POLA1: variants seen among roughly 807,000 people sequenced by gnomAD.
POLA1 encodes the protein DNA polymerase alpha catalytic subunit.
A neutral mutation model predicts 124.0 loss-of-function variants in POLA1; 15 were observed. The ratio of observed to expected loss-of-function variants is 0.12; its 90% CI spans 0.08 to 0.19. POLA1 has a LOEUF of 0.19. Ranked by LOEUF, POLA1 falls within the 10% of genes least tolerant of loss-of-function variation. The pLI is 1.00. For missense variants in POLA1, 886 were observed against 1,103.4 expected, an observed-to-expected ratio of 0.80 and a Z score of 2.79; for synonymous variants, 408 against 389.4, an observed-to-expected ratio of 1.05 and a Z score of -0.56.
chrX:24,780,308 C>T (rs766114113), intron 26 of POLA1, among the ~76,000 whole-genome samples: 6 of 112,315 alleles, frequency 5.3e-5, no homozygotes, highest in Admixed American at 1.9e-4. Context: ...GTGAAGCCAA[C>T]GCATGTTGGT....
chrX:24,703,286 T>C lies in POLA1; in HGVS notation c.204T>C (p.Asp68=). 1 of 1,206,454 alleles carries C rather than the reference T, an allele frequency of 8.3e-7. No homozygotes were observed. Residue 68 remains aspartate, a synonymous_variant, in exon 3 of 37, where the codon GAT becomes GAC. Transcript: ENST00000379068. Reference sequence around the variant, plus strand: ...TCACAGGTGTTTATGAAGAAGTTGATGAAGAACAGTATTCGAAGCTGGTTC... The same window carrying C: ...TCACAGGTGTTTATGAAGAAGTTGACGAAGAACAGTATTCGAAGCTGGTTC... ...EDFTGVYEEV[D]EEQYSKLVQA... is the part of the protein sequence containing the mutation.
chrX:24,814,962 T>C lies in POLA1; in HGVS notation c.3297-17T>C, dbSNP rs192192226. The C allele has an allele frequency of 3.8e-6, 4 of 1,064,887 alleles. No homozygotes were observed. 87.8% of individuals were successfully genotyped at this position (1,064,887 alleles called of 1,213,427 possible). ...TCAACTGCTGTCTTTGTTTTGTTTT[T>C]TTTTTTTTTTTTGCAGCTTTGTGAT... On this transcript the variant is annotated splice_polypyrimidine_tract_variant and intron_variant, in intron 29 of 36. Transcript: ENST00000379068.
intron 35 of POLA1, among the ~76,000 whole-genome samples, chrX:24,909,333 T>C (rs943643782): frequency 1.2e-4 from 13 of 112,374 alleles, no homozygotes; most frequent in African/African-American, 3.6e-4. Flanking sequence ...TGAATGGTAT[T>C]GCCTAGGTTT....
intron 26 of POLA1, among the ~76,000 whole-genome samples, chrX:24,808,469 T>TGCAATGTAAG (rs1341472438): frequency 9.0e-6 from 1 of 111,649 alleles, no homozygotes; most frequent in African/African-American, 3.3e-5. Flanking sequence ...TAAGCCAGCT[T>TGCAATGTAAG]GCAATGTAAG....
chrX:24,914,327 G>A (rs929662658), intron 35 of POLA1, among the ~76,000 whole-genome samples: 5 of 110,855 alleles, frequency 4.5e-5, no homozygotes, highest in African/African-American at 1.6e-4. Context: ...CCAACATTGA[G>A]ATCATCACAA....
At chrX:24,895,233 T>C (rs1183578731) in intron 35 of POLA1, among the ~76,000 whole-genome samples, 3 of 112,189 alleles carry the variant, frequency 2.7e-5, no homozygotes, top group African/African-American at 9.7e-5. Context: ...GAACAGACAT[T>C]TAATTCTCTA....
At chrX:24,757,900 C>G (rs1015936546) in intron 26 of POLA1, among the ~76,000 whole-genome samples, 6 of 111,743 alleles carry the variant, frequency 5.4e-5, no homozygotes, top group African/African-American at 2.0e-4. Flanking sequence ...GGATACTCAG[C>G]CTGTACTGTA....
chrX:24,870,809 T>G (rs1270386020), intron 34 of POLA1, among the ~76,000 whole-genome samples: 1 of 111,731 alleles, frequency 9.0e-6, no homozygotes, highest in African/African-American at 3.3e-5. Flanking sequence ...GACATGAAAG[T>G]AGATTCAGGG....
intron 26 of POLA1, among the ~76,000 whole-genome samples, chrX:24,790,606 T>A (rs2045471646): frequency 9.0e-6 from 1 of 111,105 alleles, no homozygotes; most frequent in African/African-American, 3.3e-5. Flanking sequence ...GGCTTCATTC[T>A]AAAAATCTTT....
At chrX:24,780,810 A>C (rs1317847682) in intron 26 of POLA1, among the ~76,000 whole-genome samples, 1 of 111,986 alleles carries the variant, frequency 8.9e-6, no homozygotes, top group African/African-American at 3.2e-5. Flanking sequence ...GACTAGGGTA[A>C]TGCTGCCCTC....
At chrX:24,825,431 A>G (rs996236358) in intron 31 of POLA1, among the ~76,000 whole-genome samples, 1 of 112,126 alleles carries the variant, frequency 8.9e-6, no homozygotes, top group Non-Finnish European at 1.9e-5. Context: ...TGAGCTGGAA[A>G]GGGACTGATT....
At chrX:24,831,434 T>G (rs2046259298) in intron 32 of POLA1, among the ~76,000 whole-genome samples, 1 of 111,791 alleles carries the variant, frequency 8.9e-6, no homozygotes, top group Non-Finnish European at 1.9e-5. Context: ...TTTTTATTTT[T>G]TTTTGAGAAA....
At chrX:24,951,386 A>G (rs2048042160) in intron 36 of POLA1, among the ~76,000 whole-genome samples, 1 of 84,012 alleles carries the variant, frequency 1.2e-5, no homozygotes, top group African/African-American at 4.5e-5. Context: ...ATATTTTATT[A>G]TAAATAATAC....
At chrX:24,980,539 A>G (rs898126566) in intron 36 of POLA1, among the ~76,000 whole-genome samples, 1 of 112,414 alleles carries the variant, frequency 8.9e-6, no homozygotes, top group Non-Finnish European at 1.9e-5. Flanking sequence ...TCCAAATCTC[A>G]GAGGACTCTT....
At chrX:24,900,864 A>AT (rs1911325046) in intron 35 of POLA1, among the ~76,000 whole-genome samples, 1 of 111,598 alleles carries the variant, frequency 9.0e-6, no homozygotes. Flanking sequence ...AATCTTTCTT[A>AT]TATCCTTGAT....
At chrX:24,919,881 C>T (rs1393470124) in intron 35 of POLA1, among the ~76,000 whole-genome samples, 1 of 76,195 alleles carries the variant, frequency 1.3e-5, no homozygotes, top group Admixed American at 2.0e-4. Context: ...GAGTCTCACT[C>T]TGTCGCCCAG....
At chrX:24,759,633 A>C (rs1030860531) in intron 26 of POLA1, among the ~76,000 whole-genome samples, 2 of 112,647 alleles carry the variant, frequency 1.8e-5, no homozygotes, top group African/African-American at 6.4e-5. Flanking sequence ...AGGAACTTTT[A>C]TCTGAAAAGA....
At chrX:24,840,351 CT>C (rs1426791252) in intron 32 of POLA1, among the ~76,000 whole-genome samples, 3 of 112,080 alleles carry the variant, frequency 2.7e-5, no homozygotes, top group Non-Finnish European at 5.6e-5. Flanking sequence ...CAGCGTTGAA[CT>C]CGGTTTGTTC....
intron 31 of POLA1, among the ~76,000 whole-genome samples, chrX:24,823,703 C>T: frequency 8.9e-6 from 1 of 112,457 alleles, no homozygotes; most frequent in Non-Finnish European, 1.9e-5. Context: ...TGCTCCTGGC[C>T]CATCATGACA....
Sources: gnomAD v4.1 joint callset for allele counts (sites outside exome capture counted in the v4.1 genomes callset) on GRCh38, gnomAD v4.1.1 for gene constraint, MANE v1.5 for transcripts, NCBI Gene and HGNC (gene_info 2026-07-23, HGNC 2026-07-21) for gene names.